The following GABRB2 variants were observed in gnomAD, a reference collection of about 807,000 sequenced individuals.
The protein encoded by GABRB2 is gamma-aminobutyric acid type A receptor subunit beta2, also known as gamma-aminobutyric acid receptor subunit beta-2.
A neutral mutation model predicts 54.7 loss-of-function variants in GABRB2; 16 were observed. That is an observed-to-expected ratio of 0.29 (90% CI 0.20 to 0.44). GABRB2 has a LOEUF of 0.44. GABRB2 is among the 20% of genes least tolerant of loss of function. GABRB2 has a pLI of 1.00. For synonymous variants in GABRB2, 244 were observed against 233.8 expected (o/e 1.04, Z -0.40); for missense variants, 355 against 644.0 (o/e 0.55, Z 4.86).
chr5:161,544,600 T>C (rs1760915146), intron 3 of GABRB2, among the ~76,000 whole-genome samples: 1 of 152,126 alleles, frequency 6.6e-6, no homozygotes, highest in African/African-American at 2.4e-5. Flanking sequence ...GCTTAGGACA[T>C]GTGGTGAATG....
intron 3 of GABRB2, among the ~76,000 whole-genome samples, chr5:161,500,311 T>C (rs1759392544): frequency 6.6e-6 from 1 of 152,160 alleles, no homozygotes; most frequent in Non-Finnish European, 1.5e-5. Context: ...CCTTTTTTCA[T>C]TCTTTGCTTT....
At chr5:161,432,605 TA>T (rs1757201085) in intron 4 of GABRB2, among the ~76,000 whole-genome samples, 1 of 152,226 alleles carries the variant, frequency 6.6e-6, no homozygotes, top group Non-Finnish European at 1.5e-5. Context: ...GCATGCTTTT[TA>T]ACTTTTATTG....
intron 3 of GABRB2, among the ~76,000 whole-genome samples, chr5:161,535,006 G>T (rs1936155435): frequency 6.6e-6 from 1 of 152,128 alleles, no homozygotes; most frequent in Admixed American, 6.6e-5. Flanking sequence ...TACAGTTCTT[G>T]AACATATACC....
At chr5:161,488,865 G>C (rs1581028327) in intron 3 of GABRB2, among the ~76,000 whole-genome samples, 1 of 151,846 alleles carries the variant, frequency 6.6e-6, no homozygotes, top group East Asian at 1.9e-4. Flanking sequence ...TTCCTAGCTA[G>C]GAAAAAATAG....
chr5:161,535,759 T>C (rs1219333450), intron 3 of GABRB2, among the ~76,000 whole-genome samples: 1 of 152,170 alleles, frequency 6.6e-6, no homozygotes, highest in East Asian at 1.9e-4. Flanking sequence ...CTGGTTTGGA[T>C]GTTTGTCCTC....
chr5:161,358,654 T>C (rs140887383), intron 5 of GABRB2, among the ~76,000 whole-genome samples: 1 of 152,234 alleles, frequency 6.6e-6, no homozygotes, highest in Non-Finnish European at 1.5e-5. Flanking sequence ...GCAGAGCATG[T>C]GGGTGTGGAT....
chr5:161,397,889 CCTTA>C (rs763110168), intron 5 of GABRB2, among the ~76,000 whole-genome samples: 2 of 152,022 alleles, frequency 1.3e-5, no homozygotes, highest in African/African-American at 2.4e-5. Flanking sequence ...GCTGTGTGAC[CCTTA>C]CTTAATCTCT....
intron 3 of GABRB2, among the ~76,000 whole-genome samples, chr5:161,469,300 T>A (rs1372904854): frequency 6.6e-6 from 1 of 151,808 alleles, no homozygotes; most frequent in Non-Finnish European, 1.5e-5. Flanking sequence ...GAAAGAAAAT[T>A]TACTCATAGT....
At chr5:161,360,126 C>T (rs575882785) in intron 5 of GABRB2, among the ~76,000 whole-genome samples, 1 of 151,760 alleles carries the variant, frequency 6.6e-6, no homozygotes, top group East Asian at 1.9e-4. Flanking sequence ...ATAGAGTAGG[C>T]TACTGAAAAG....
At chr5:161,300,811 A>G (rs1323637682) in intron 9 of GABRB2, among the ~76,000 whole-genome samples, 3 of 152,168 alleles carry the variant, frequency 2.0e-5, no homozygotes, top group African/African-American at 7.2e-5. Context: ...AGTCTATTGG[A>G]CAGAACGACT....
rs888680290 is a variant in GABRB2, at chr5:161,294,506, G to C, written c.1192-78C>G. 14 of 1,213,632 alleles carry C rather than the reference G, an allele frequency of 1.2e-5. No homozygotes were observed. The East Asian group carries it at 1.4e-4, about 12-fold the overall frequency. 75.2% of individuals were successfully genotyped at this position (1,213,632 alleles called of 1,614,324 possible). A position where few individuals can be genotyped will look rare whatever the true frequency, so the allele number is the denominator to read the frequency against. Reference sequence around the variant, plus strand: ...GCTTACTAGGCAAGGCACTATGATCGGCACTTAAGGGATTTATAGGAGTGG... The same window carrying C: ...GCTTACTAGGCAAGGCACTATGATCCGCACTTAAGGGATTTATAGGAGTGG... On this transcript the variant is annotated intron_variant, in intron 9 of 9. Coordinates refer to ENST00000393959, the MANE Select transcript of GABRB2 (RefSeq NM_001371727.1).
chr5:161,366,970 C>T (rs1262299278), intron 5 of GABRB2, among the ~76,000 whole-genome samples: 1 of 151,922 alleles, frequency 6.6e-6, no homozygotes, highest in Non-Finnish European at 1.5e-5. Context: ...AAAGAAAAGA[C>T]AAATCAGTTA....
intron 4 of GABRB2, among the ~76,000 whole-genome samples, chr5:161,455,917 A>C (rs1318705478): frequency 6.6e-6 from 1 of 152,182 alleles, no homozygotes; most frequent in African/African-American, 2.4e-5. Flanking sequence ...AAGCATTGAT[A>C]TTTTGCAATA....
intron 9 of GABRB2, 25 bp downstream of exon 9, chr5:161,326,343 A>G (rs1019526102): frequency 6.2e-7 from 1 of 1,607,636 alleles, no homozygotes; most frequent in African/African-American, 1.3e-5. Flanking sequence ...ATACAAATAA[A>G]TGGATTAAAA....
chr5:161,401,084 G>T (rs777310952), intron 5 of GABRB2, among the ~76,000 whole-genome samples: 54 of 152,096 alleles, frequency 3.6e-4, no homozygotes, highest in Non-Finnish European at 6.9e-4. Context: ...GATGATACAG[G>T]TAGTCTACCC....
chr5:161,294,723 G>A (rs1757334878), intron 9 of GABRB2, among the ~76,000 whole-genome samples: 1 of 152,166 alleles, frequency 6.6e-6, no homozygotes, highest in African/African-American at 2.4e-5. Flanking sequence ...AGGGCACGCA[G>A]AGAAATCGAA....
At chr5:161,377,578 A>T (rs539612275) in intron 5 of GABRB2, among the ~76,000 whole-genome samples, 1 of 152,290 alleles carries the variant, frequency 6.6e-6, no homozygotes, top group Admixed American at 6.5e-5. Flanking sequence ...CAAAGTTTCT[A>T]ATGCCTGCTG....
At chr5:161,315,861 A>G (rs1200759220) in intron 9 of GABRB2, among the ~76,000 whole-genome samples, 1 of 152,190 alleles carries the variant, frequency 6.6e-6, no homozygotes, top group Non-Finnish European at 1.5e-5. Flanking sequence ...TTAGGACAGA[A>G]ATCACATCCG....
At chr5:161,310,949 A>G (rs535555184) in intron 9 of GABRB2, among the ~76,000 whole-genome samples, 10 of 152,094 alleles carry the variant, frequency 6.6e-5, no homozygotes, top group African/African-American at 2.4e-4. Context: ...TTTAGTAGAG[A>G]CGGGGTTTCA....
Sources: gnomAD v4.1 joint callset for allele counts (sites outside exome capture counted in the v4.1 genomes callset) on GRCh38, gnomAD v4.1.1 for gene constraint, MANE v1.5 for transcripts, NCBI Gene and HGNC (gene_info 2026-07-23, HGNC 2026-07-21) for gene names.